DLGAP1: variants seen among roughly 807,000 people sequenced by gnomAD.
DLGAP1 encodes the protein DLG associated protein 1.
A neutral mutation model predicts 90.8 loss-of-function variants in DLGAP1; 11 were observed. The observed-to-expected ratio is 0.12, with a 90% CI of 0.08 to 0.20. The LOEUF (loss-of-function observed/expected upper bound fraction) is 0.20. DLGAP1 is among the 10% of genes least tolerant of loss of function. The pLI, the probability that DLGAP1 is intolerant of heterozygous loss-of-function variation, is 1.00. For missense variants in DLGAP1, 1,050 were observed against 1,333.8 expected (o/e 0.79, Z 3.31); for synonymous variants, 558 against 540.7 (o/e 1.03, Z -0.44).
intron 4 of DLGAP1, among the ~76,000 whole-genome samples, chr18:3,834,305 C>CA (rs35630074): frequency 0.055 from 1,783 of 32,632 alleles, 165 homozygotes; most frequent in African/African-American, 0.093. Flanking sequence ...GACTCTGTCT[C>CA]AAAAAAAAAA....
intron 1 of DLGAP1, among the ~76,000 whole-genome samples, chr18:4,316,714 A>T (rs2080537167): frequency 6.6e-6 from 1 of 152,178 alleles, no homozygotes; most frequent in South Asian, 2.1e-4. Flanking sequence ...AAGGCCGTCG[A>T]ACTGAACACT....
At chr18:3,602,733 CCA>C (rs1354382544) in intron 7 of DLGAP1, among the ~76,000 whole-genome samples, 1 of 151,974 alleles carries the variant, frequency 6.6e-6, no homozygotes, top group African/African-American at 2.4e-5. Context: ...GGATTATATT[CCA>C]GTTTTCAAAA....
intron 6 of DLGAP1, among the ~76,000 whole-genome samples, chr18:3,738,381 A>G (rs1422027009): frequency 6.8e-6 from 1 of 148,030 alleles, no homozygotes; most frequent in Non-Finnish European, 1.5e-5. Context: ...ACTATACTAC[A>G]AGGCTACAGT....
chr18:3,565,013 G>A lies in DLGAP1; in HGVS notation c.2057+2477C>T, dbSNP rs1354005436. Among the ~76,000 whole-genome samples, 1 of 152,114 alleles carries A rather than the reference G, an allele frequency of 6.6e-6. No individual in the cohort carries two copies. Among genetic ancestry groups the A allele is most frequent in the Admixed American group, 6.6e-5 (1 of 15,258 alleles). ...TAAGGAAACTAAGGCACAAAGATGGGTAGTAATTTGCTTATGGCCCCTCAG... is the reference window on the plus strand; with the variant it reads ...TAAGGAAACTAAGGCACAAAGATGGATAGTAATTTGCTTATGGCCCCTCAG... On this transcript the variant is annotated intron_variant, in intron 9 of 12. Transcript: ENST00000315677. This position sits in a 1 kb window ranked among gnomAD's most constrained non-coding sequence, Gnocchi z 4.0.
rs114340621 is a variant in DLGAP1 at position 4,300,334 on chromosome 18, T to C, written c.-266-149047A>G. ...GCACACAAAACATATTCTACTATGG[T>C]TTATCTGTAGATCGTAAAATGTTTG... On this transcript the variant is annotated intron_variant, in intron 1 of 12. Transcript: ENST00000315677. Among the ~76,000 whole-genome samples the C allele has an allele frequency of 3.1e-3, 472 of 152,302 alleles. 5 individuals carry two copies. The highest frequency in any genetic ancestry group is 0.01 in the African/African-American group (427 of 41,582).
At chr18:4,099,286 A>G (rs1302951653) in intron 2 of DLGAP1, among the ~76,000 whole-genome samples, 3 of 145,764 alleles carry the variant, frequency 2.1e-5, no homozygotes, top group African/African-American at 2.6e-5. Flanking sequence ...CTATCTATCT[A>G]TCTGTCTATC....
chr18:3,601,005 TATAG>T (rs201512956), intron 7 of DLGAP1, among the ~76,000 whole-genome samples: 3,737 of 124,876 alleles, frequency 0.03, 289 homozygotes, highest in African/African-American at 0.1. Flanking sequence ...GATATATAGA[TATAG>T]ATAGATATAT....
Position 4,311,777 on chromosome 18 carries a change from G to A in DLGAP1, c.-267+143229C>T, listed in dbSNP as rs561121143. ...GTCGCCCAGGCTGGAGTGCAGTGGC[G>A]CAATCTCGGCTCACTGCAACCTCCA... On this transcript the variant is annotated intron_variant, in intron 1 of 12. Transcript: ENST00000315677. Among the ~76,000 whole-genome samples, 26 of 152,194 alleles carry A rather than the reference G, an allele frequency of 1.7e-4. No individual in the cohort carries two copies. In the South Asian group the frequency reaches 2.9e-3, roughly 17 times the overall value.
intron 6 of DLGAP1, among the ~76,000 whole-genome samples, chr18:3,730,006 C>T (rs1443004333): frequency 6.6e-6 from 1 of 152,124 alleles, no homozygotes; most frequent in Non-Finnish European, 1.5e-5. Context: ...ACGTTTTGCA[C>T]AAAAATAGAC....
chr18:3,529,691 G>A (rs2051867073), intron 10 of DLGAP1, among the ~76,000 whole-genome samples: 1 of 152,166 alleles, frequency 6.6e-6, no homozygotes, highest in African/African-American at 2.4e-5. Context: ...ATAAAATAAT[G>A]TGGGAAGTAC....
chr18:3,799,041 T>G (rs1390480507), intron 5 of DLGAP1, among the ~76,000 whole-genome samples: 1 of 152,122 alleles, frequency 6.6e-6, no homozygotes, highest in African/African-American at 2.4e-5. Flanking sequence ...ACCTGGCTAA[T>G]TTTTGTATTT....
chr18:3,959,198 A>G (rs918895032), intron 3 of DLGAP1, among the ~76,000 whole-genome samples: 9 of 152,154 alleles, frequency 5.9e-5, no homozygotes, highest in Admixed American at 1.3e-4. Flanking sequence ...AGAGGCAGAA[A>G]TATTTCTGCT....
At chr18:3,607,354 T>C (rs2057373744) in intron 7 of DLGAP1, 1 of 151,978 alleles carries the variant, frequency 6.6e-6, no homozygotes, top group African/African-American at 2.4e-5. Flanking sequence ...AATGGGGTTT[T>C]GTTTTGTTGC....
chr18:3,874,713 G>T (rs1247561045), intron 4 of DLGAP1: 6 of 1,533,260 alleles, frequency 3.9e-6, no homozygotes, highest in Non-Finnish European at 5.2e-6. Context: ...CCATGTTCCT[G>T]CTCCCAACCC....
chr18:4,381,892 G>A (rs1218974811), intron 1 of DLGAP1, among the ~76,000 whole-genome samples: 1 of 152,118 alleles, frequency 6.6e-6, no homozygotes, highest in Non-Finnish European at 1.5e-5. Flanking sequence ...TGGCTGGGGA[G>A]GCCTCACAAT....
At chr18:4,275,259 T>C (rs2079383172) in intron 1 of DLGAP1, 1 of 152,234 alleles carries the variant, frequency 6.6e-6, no homozygotes, top group South Asian at 2.1e-4. Context: ...CTTGCTATTC[T>C]AGGAGCTCTC....
At chr18:3,755,316 A>G (rs2147852738) in intron 5 of DLGAP1, among the ~76,000 whole-genome samples, 1 of 152,286 alleles carries the variant, frequency 6.6e-6, no homozygotes, top group South Asian at 2.1e-4. Flanking sequence ...ATGCAAATGG[A>G]TTAAACTTCC....
rs186208073 is a variant in DLGAP1, at chr18:3,781,404, G to T, written c.1172+32655C>A. Among the ~76,000 whole-genome samples, 537 of 150,956 alleles carry T rather than the reference G, an allele frequency of 3.6e-3. 4 individuals carry two copies. The highest frequency in any genetic ancestry group is 0.012 in the African/African-American group (491 of 41,134). ...CTTGCTCCTGTTGCCCAGGCTGGAG[G>T]GCAGTGGTGCGATCTTGGCTCACTG... is the stretch of plus-strand genomic sequence containing the variant. On this transcript the variant is annotated intron_variant, in intron 5 of 12. Transcript: ENST00000315677.
chr18:3,941,597 A>G (rs545126097), intron 3 of DLGAP1, among the ~76,000 whole-genome samples: 1 of 152,358 alleles, frequency 6.6e-6, no homozygotes, highest in South Asian at 2.1e-4. Context: ...CAGAGAGAGA[A>G]ATATCTTCTT....
Sources: allele counts gnomAD v4.1 joint callset (sites outside exome capture counted in the v4.1 genomes callset), GRCh38; gene constraint gnomAD v4.1.1; non-coding constraint Gnocchi (gnomAD v3.1); transcripts MANE v1.5; gene names NCBI Gene and HGNC (gene_info 2026-07-23, HGNC 2026-07-21).